The following STK40 variants were observed in gnomAD, a reference collection of about 807,000 sequenced individuals.
STK40 encodes serine/threonine kinase 40, also known as serine/threonine-protein kinase 40.
In STK40, 13 loss-of-function variants were observed where a neutral mutation model predicts 47.9. The observed-to-expected ratio is 0.27, with a 90% CI of 0.18 to 0.43. The LOEUF (loss-of-function observed/expected upper bound fraction) is 0.43. Among genes scored for constraint, STK40 ranks in the 20% least tolerant of loss-of-function variants. STK40 has a pLI of 1.00. For synonymous variants in STK40, 225 were observed against 243.2 expected (o/e 0.93, Z 0.69); for missense variants, 460 against 595.1 (o/e 0.77, Z 2.36).
intron 7 of STK40, among the ~76,000 whole-genome samples, chr1:36,346,155 C>T (rs551688632): frequency 6.7e-4 from 101 of 150,784 alleles, no homozygotes; most frequent in African/African-American, 2.3e-3. Context: ...CCACCACGCC[C>T]GGCTAATTTT....
At chr1:36,374,670 T>C (rs1339112964) in intron 1 of STK40, among the ~76,000 whole-genome samples, 1 of 152,202 alleles carries the variant, frequency 6.6e-6, no homozygotes, top group Admixed American at 6.5e-5. Context: ...TGGCTTGGCC[T>C]CTCCATCCAG....
At chr1:36,383,780 T>C (rs1557528671) in intron 1 of STK40, among the ~76,000 whole-genome samples, 2 of 152,180 alleles carry the variant, frequency 1.3e-5, no homozygotes, top group South Asian at 2.1e-4. Flanking sequence ...TACCACTAGA[T>C]TGAACAATCT....
At chr1:36,354,276 G>A in intron 6 of STK40, 88 bp downstream of exon 6, 2 of 1,433,458 alleles carry the variant, frequency 1.4e-6, no homozygotes, top group Admixed American at 1.7e-5. Context: ...GAATCCTCAT[G>A]AGGACACTTC....
chr1:36,348,963 C>A (rs755942288), intron 6 of STK40, 148 bp from the exon 7 acceptor site: 171 of 699,578 alleles, frequency 2.4e-4, no homozygotes, highest in Non-Finnish European at 3.0e-4. Flanking sequence ...GCTGCCCCGA[C>A]CCCCTCTCCA....
intron 1 of STK40, among the ~76,000 whole-genome samples, 190 bp downstream of exon 1, chr1:36,385,533 G>A (rs996090717): frequency 6.6e-6 from 1 of 152,146 alleles, no homozygotes; most frequent in African/African-American, 2.4e-5. Flanking sequence ...CCCGGCGCGA[G>A]GCAGCCCTCG....
Position 36,361,232 on chromosome 1 carries a change from G to T in STK40, c.101C>A (p.Pro34Gln), listed in dbSNP as rs1213802015. The change falls in exon 2 of 11, where the codon CCA becomes CAA. Residue 34 changes from proline (P) to glutamine (Q), a missense_variant. Pro to Gln is a moderately conservative substitution (Grantham distance 76). Around this residue, in one of 3 missense-constraint regions of STK40, gnomAD observed 277 missense variants for 358.7 expected, o/e 0.77. Transcript: ENST00000373132. ...ISGNNAKRAG[P>Q]FILGPRLGNS... ...GGTCAGAGGCTTACCAAGGATGAAT[G>T]GTCCAGCTCTCTTTGCATTATTTCC... 6.2e-7 allele frequency: 1 copy of T among 1,614,170 alleles called. No individual in the cohort carries two copies. The highest frequency in any genetic ancestry group is 2.2e-5 in the East Asian group (1 of 44,888).
chr1:36,342,168 A>G (rs1646655284), intron 10 of STK40, 195 bp from the exon 11 acceptor site: 2 of 600,838 alleles, frequency 3.3e-6, no homozygotes, highest in South Asian at 4.0e-5. Context: ...GCCAACCTCA[A>G]CTCCCCTTGC....
intron 7 of STK40, among the ~76,000 whole-genome samples, chr1:36,345,991 A>ATATATATATT: frequency 4.9e-4 from 13 of 26,458 alleles, no homozygotes; most frequent in East Asian, 4.4e-3. Flanking sequence ...ATATATATAT[A>ATATATATATT]TTTTTTTTTT....
chr1:36,346,732 G>A (rs2124726889), intron 7 of STK40, among the ~76,000 whole-genome samples: 1 of 152,354 alleles, frequency 6.6e-6, no homozygotes, highest in South Asian at 2.1e-4. Flanking sequence ...GGAAGAACCA[G>A]AAGGATAGGC....
intron 1 of STK40, among the ~76,000 whole-genome samples, chr1:36,370,620 T>C (rs1646937531): frequency 1.3e-5 from 2 of 152,188 alleles, no homozygotes; most frequent in African/African-American, 4.8e-5. Context: ...TCTTGTAGAT[T>C]CCTGCGCACC....
chr1:36,362,276 G>A (rs549429347), intron 1 of STK40, among the ~76,000 whole-genome samples: 63 of 152,310 alleles, frequency 4.1e-4, no homozygotes, highest in African/African-American at 1.5e-3. Flanking sequence ...GGATCCGGGG[G>A]GGACAAGGAA....
chr1:36,379,736 C>A (rs568890153), intron 1 of STK40, among the ~76,000 whole-genome samples: 1 of 152,032 alleles, frequency 6.6e-6, no homozygotes, highest in African/African-American at 2.4e-5. Context: ...GGACGTACGA[C>A]CTCAACCCAA....
chr1:36,354,034 G>A (rs966732957), intron 6 of STK40, among the ~76,000 whole-genome samples: 5 of 152,080 alleles, frequency 3.3e-5, no homozygotes, highest in African/African-American at 9.7e-5. Flanking sequence ...CAAAGTGCTG[G>A]GATTACAGGC....
intron 6 of STK40, 95 bp from the exon 7 acceptor site, chr1:36,348,910 TC>T: frequency 9.7e-7 from 1 of 1,028,152 alleles, no homozygotes; most frequent in East Asian, 2.6e-5. Flanking sequence ...CAACACCCAA[TC>T]CTGAACAGTA....
intron 1 of STK40, among the ~76,000 whole-genome samples, chr1:36,365,027 T>C (rs1646889452): frequency 6.6e-6 from 1 of 150,864 alleles, no homozygotes; most frequent in African/African-American, 2.4e-5. Flanking sequence ...GTCTCGCTCT[T>C]GTTGCCCAGG....
chr1:36,358,122 C>A, intron 4 of STK40, 117 bp downstream of exon 4: 1 of 1,310,960 alleles, frequency 7.6e-7, no homozygotes, highest in Non-Finnish European at 1.0e-6. Flanking sequence ...ATGTACCTAG[C>A]ATGGCAGGGA....
intron 1 of STK40, among the ~76,000 whole-genome samples, chr1:36,384,515 T>C (rs1022675710): frequency 2.0e-5 from 3 of 152,256 alleles, no homozygotes; most frequent in Non-Finnish European, 4.4e-5. Context: ...GTTATCATCC[T>C]TGTTTTATAG....
chr1:36,355,487 G>A (rs997839550), intron 4 of STK40, 54 bp from the exon 5 acceptor site: 1 of 1,574,194 alleles, frequency 6.4e-7, no homozygotes, highest in Non-Finnish European at 8.7e-7. Context: ...CAGGGCCAAG[G>A]CCAGGGCCTG....
chr1:36,371,685 C>CAAAA (rs57138983), intron 1 of STK40, among the ~76,000 whole-genome samples: 3 of 27,970 alleles, frequency 1.1e-4, no homozygotes, highest in Non-Finnish European at 1.6e-4. Flanking sequence ...ACCCTGTCTC[C>CAAAA]AAAAAAAAAA....
Sources: allele counts gnomAD v4.1 joint callset (sites outside exome capture counted in the v4.1 genomes callset), GRCh38; gene constraint gnomAD v4.1.1; regional missense constraint gnomAD v4.1.1; transcripts MANE v1.5; gene names NCBI Gene and HGNC (gene_info 2026-07-23, HGNC 2026-07-21).